PCCA: variants seen among roughly 807,000 people sequenced by gnomAD.
The protein encoded by PCCA is propionyl-CoA carboxylase subunit alpha.
A neutral mutation model predicts 101.3 loss-of-function variants in PCCA; 74 were observed. The observed-to-expected ratio is 0.73, with a 90% CI of 0.61 to 0.89. PCCA has a LOEUF of 0.89. PCCA is among the 40% of genes least tolerant of loss of function. The pLI, the probability that PCCA is intolerant of heterozygous loss-of-function variation, is 0.00. For synonymous variants in PCCA, 294 were observed against 313.6 expected, an observed-to-expected ratio of 0.94 and a Z score of 0.66; for missense variants, 891 against 907.0, an observed-to-expected ratio of 0.98 and a Z score of 0.23.
At chr13:100,113,910 TA>T (rs2048557628) in intron 4 of PCCA, among the ~76,000 whole-genome samples, 1 of 152,208 alleles carries the variant, frequency 6.6e-6, no homozygotes, top group Admixed American at 6.5e-5. Flanking sequence ...TAAAACAGCA[TA>T]AAATGCAAAC....
chr13:100,240,452 G>C (rs187558312), intron 8 of PCCA, among the ~76,000 whole-genome samples: 1 of 151,482 alleles, frequency 6.6e-6, no homozygotes, highest in African/African-American at 2.4e-5. Flanking sequence ...CACAAAAATA[G>C]CTCCTTGCAG....
At chr13:100,350,482 C>G (rs2073135853) in intron 18 of PCCA, among the ~76,000 whole-genome samples, 1 of 152,178 alleles carries the variant, frequency 6.6e-6, no homozygotes, top group African/African-American at 2.4e-5. Flanking sequence ...ATCATTATCA[C>G]TTAAGCTTGC....
At chr13:100,214,921 G>A (rs1255513744) in intron 7 of PCCA, among the ~76,000 whole-genome samples, 16 of 152,004 alleles carry the variant, frequency 1.1e-4, no homozygotes, top group African/African-American at 2.4e-5. Flanking sequence ...AGATTTGATC[G>A]TATGCCTATC....
chr13:100,215,904 G>T (rs144784924), intron 7 of PCCA, among the ~76,000 whole-genome samples: 2,327 of 152,224 alleles, frequency 0.015, 66 homozygotes, highest in African/African-American at 0.053. Flanking sequence ...CCTCCCAAGT[G>T]CTGGGATTGC....
intron 8 of PCCA, among the ~76,000 whole-genome samples, chr13:100,254,928 A>AT (rs1465719193): frequency 6.6e-6 from 1 of 151,994 alleles, no homozygotes; most frequent in Non-Finnish European, 1.5e-5. Flanking sequence ...AAAAAAAAAA[A>AT]AAAGAAAATT....
At chr13:100,101,210 C>T (rs909178019) in intron 1 of PCCA, among the ~76,000 whole-genome samples, 2 of 152,188 alleles carry the variant, frequency 1.3e-5, no homozygotes, top group East Asian at 1.9e-4. Flanking sequence ...GGAACAATAT[C>T]ATATCTTTGA....
At chr13:100,453,739 C>T (rs9582392) in intron 21 of PCCA, among the ~76,000 whole-genome samples, 2,937 of 152,000 alleles carry the variant, frequency 0.019, 106 homozygotes, top group African/African-American at 0.067. Context: ...CTTCAGGCAC[C>T]CAAAACATGC....
intron 18 of PCCA, among the ~76,000 whole-genome samples, chr13:100,342,741 G>C (rs888539604): frequency 6.7e-6 from 1 of 148,726 alleles, no homozygotes; most frequent in Non-Finnish European, 1.5e-5. Context: ...TTTTTAGAGA[G>C]ATGAAGTCTT....
chr13:100,118,626 T>C (rs1410765552), intron 4 of PCCA, among the ~76,000 whole-genome samples: 1 of 152,146 alleles, frequency 6.6e-6, no homozygotes, highest in Non-Finnish European at 1.5e-5. Flanking sequence ...TATAACTCAC[T>C]GCAGCCTGAC....
intron 19 of PCCA, among the ~76,000 whole-genome samples, chr13:100,407,882 G>A (rs571495393): frequency 1.3e-5 from 2 of 152,306 alleles, no homozygotes; most frequent in South Asian, 4.1e-4. Flanking sequence ...TGGGCATGGT[G>A]GTTCATGCCT....
At chr13:100,141,463 T>C (rs2051861066) in intron 4 of PCCA, among the ~76,000 whole-genome samples, 1 of 152,138 alleles carries the variant, frequency 6.6e-6, no homozygotes, top group Admixed American at 6.5e-5. Flanking sequence ...CAGGCTGGAG[T>C]GCAGTGGCGT....
At position 100,515,528 on chromosome 13, in the gene PCCA, C is replaced by T. The variant is rs778845861; in HGVS notation, c.2001C>T (p.Pro667=). The T allele has an allele frequency of 7.4e-6, 12 of 1,614,068 alleles. No individual in the cohort carries two copies. The highest frequency in any genetic ancestry group is 5.0e-5 in the Admixed American group (3 of 60,018). ...DTSSVLRSPM[P]GVVVAVSVKP... ...GCAGTGTTCTGCGTTCCCCGATGCC[C>T]GGAGTGGTGGTGGCCGTCTCTGTCA... is the stretch of plus-strand genomic sequence containing the variant. Residue 667 remains proline (P), a synonymous_variant, in exon 22 of 24, where the codon CCC becomes CCT. Coordinates refer to ENST00000376285, the MANE Select transcript of PCCA (RefSeq NM_000282.4).
At chr13:100,208,864 T>C (rs1828816691) in intron 6 of PCCA, among the ~76,000 whole-genome samples, 1 of 152,248 alleles carries the variant, frequency 6.6e-6, no homozygotes, top group African/African-American at 2.4e-5. Context: ...AAATTGTTGA[T>C]ATCCTGTTGT....
At chr13:100,122,062 A>G (rs2049454654) in intron 4 of PCCA, among the ~76,000 whole-genome samples, 1 of 152,206 alleles carries the variant, frequency 6.6e-6, no homozygotes, top group South Asian at 2.1e-4. Context: ...TTTATCAAGA[A>G]CAGGTGTTGC....
At position 100,435,666 on chromosome 13, in the gene PCCA, G is replaced by A. The variant is rs150715938; in HGVS notation, c.1845+9935G>A. 2.6e-4 allele frequency among the ~76,000 whole-genome samples: 40 copies of A among 152,276 alleles called. No homozygotes were observed. In the East Asian group the frequency reaches 7.3e-3, roughly 28 times the overall value. On this transcript the variant is annotated intron_variant, in intron 20 of 23. Coordinates refer to ENST00000376285, the MANE Select transcript of PCCA (RefSeq NM_000282.4). ...ATTGCAAGTTATCCAGGTTCTTGGCGTTTTGAACAAAGAATTGGACAACAT... is the reference window on the plus strand; with the variant it reads ...ATTGCAAGTTATCCAGGTTCTTGGCATTTTGAACAAAGAATTGGACAACAT...
chr13:100,335,257 A>C lies in PCCA; in HGVS notation c.1540+4586A>C, dbSNP rs987228697. On this transcript the variant is annotated intron_variant, in intron 17 of 23. Coordinates refer to ENST00000376285, the MANE Select transcript of PCCA (RefSeq NM_000282.4). ...GTACTTTAACCAGTTTTTAGGTAAG[A>C]TGATAGCTTAAAAATATACATATTT... 3.3e-5 allele frequency among the ~76,000 whole-genome samples: 5 copies of C among 152,226 alleles called. No homozygotes were observed. In the South Asian group the frequency reaches 1.0e-3, roughly 32 times the overall value.
intron 18 of PCCA, among the ~76,000 whole-genome samples, chr13:100,359,220 G>A (rs1271330111): frequency 6.6e-6 from 1 of 152,032 alleles, no homozygotes; most frequent in Non-Finnish European, 1.5e-5. Context: ...AAAAAGAAAG[G>A]CAAGAGAGTG....
intron 6 of PCCA, among the ~76,000 whole-genome samples, chr13:100,169,545 T>G (rs2055412720): frequency 6.6e-6 from 1 of 152,082 alleles, no homozygotes; most frequent in Non-Finnish European, 1.5e-5. Flanking sequence ...TATTATTTTT[T>G]GAGACGGAGT....
In PCCA at chr13:100,398,841, A is replaced by G. The variant is rs923067768; in HGVS notation, c.1747-26792A>G. 2.0e-5 allele frequency among the ~76,000 whole-genome samples: 3 copies of G among 152,178 alleles called. No homozygotes were observed. The East Asian group carries it at 5.8e-4, about 29-fold the overall frequency. On this transcript the variant is annotated intron_variant, in intron 19 of 23. Transcript: ENST00000376285. ...ACATTACTTCCCGTAAGCTCCATCA[A>G]CTACATGCAATTTGCTTCAGTTGTG...
Sources: gnomAD v4.1 joint callset for allele counts (sites outside exome capture counted in the v4.1 genomes callset) on GRCh38, gnomAD v4.1.1 for gene constraint, MANE v1.5 for transcripts, NCBI Gene and HGNC (gene_info 2026-07-23, HGNC 2026-07-21) for gene names.